The following ESRRA variants were observed in gnomAD, a reference collection of about 807,000 sequenced individuals.
ESRRA encodes steroid hormone receptor ERR1.
Under a neutral mutation model 35.6 loss-of-function variants are expected in ESRRA, and 7 were observed. That is an observed-to-expected ratio of 0.20 (90% CI 0.11 to 0.37). The LOEUF (loss-of-function observed/expected upper bound fraction) is 0.37, where lower values mean the gene tolerates loss of function less well. ESRRA is among the 10% of genes least tolerant of loss of function. ESRRA has a pLI of 1.00. For missense variants in ESRRA, 378 were observed against 561.7 expected (o/e 0.67, Z 3.31); for synonymous variants, 223 against 246.9 (o/e 0.90, Z 0.91).
rs560892872 is a variant in ESRRA, at chr11:64,307,352, G to T, written c.173G>T (p.Gly58Val). 6.2e-7 allele frequency: 1 copy of T among 1,611,028 alleles called. No homozygotes were observed. The highest frequency in any genetic ancestry group is 1.7e-5 in the Admixed American group (1 of 59,884). ...PGHKEEEDGE[G>V]AGPGEQGGGK... Reference sequence around the variant, plus strand: ...CACAAGGAAGAGGAGGATGGGGAGGGGGCTGGGCCTGGCGAGCAGGGCGGT... The same window carrying T: ...CACAAGGAAGAGGAGGATGGGGAGGTGGCTGGGCCTGGCGAGCAGGGCGGT... The change falls in exon 2 of 7, where the codon GGG becomes GTG. Residue 58 changes from glycine (G) to valine (V), a missense_variant. Around this residue, in one of 4 missense-constraint regions of ESRRA, gnomAD observed 87 missense variants for 92.6 expected, o/e 0.94. Transcript: ENST00000000442.
At position 64,307,351 on chromosome 11, in the gene ESRRA, G is replaced by A. The variant is rs781171709; in HGVS notation, c.172G>A (p.Gly58Arg). The A allele has an allele frequency of 4.3e-6, 7 of 1,611,608 alleles. No homozygotes were observed. Among genetic ancestry groups the A allele is most frequent in the East Asian group, 4.5e-5 (2 of 44,840 alleles). ...CCACAAGGAAGAGGAGGATGGGGAGGGGGCTGGGCCTGGCGAGCAGGGCGG... is the reference window on the plus strand; with the variant it reads ...CCACAAGGAAGAGGAGGATGGGGAGAGGGCTGGGCCTGGCGAGCAGGGCGG... ...PGHKEEEDGE[G>R]AGPGEQGGGK... The change falls in exon 2 of 7, where the codon GGG becomes AGG. Residue 58 changes from glycine to arginine, a missense_variant. Gly to Arg is a moderately radical substitution (Grantham distance 125). Around this residue, in one of 4 missense-constraint regions of ESRRA, gnomAD observed 87 missense variants for 92.6 expected, o/e 0.94. Coordinates refer to ENST00000000442, the MANE Select transcript of ESRRA (RefSeq NM_004451.5).
intron 2 of ESRRA, among the ~76,000 whole-genome samples, chr11:64,310,320 C>T (rs1416309230): frequency 3.6e-4 from 55 of 150,840 alleles, no homozygotes; most frequent in Middle Eastern, 6.9e-3. Flanking sequence ...CTGCAAGCTC[C>T]GCCTCCCGGG....
chr11:64,312,543 C>G (rs903715615), intron 2 of ESRRA, among the ~76,000 whole-genome samples: 1 of 152,204 alleles, frequency 6.6e-6, no homozygotes, highest in Non-Finnish European at 1.5e-5. Context: ...GTCATTTGGT[C>G]GTTGCGGGGC....
intron 2 of ESRRA, 83 bp downstream of exon 2, chr11:64,307,587 T>C: frequency 9.5e-7 from 1 of 1,057,064 alleles, no homozygotes; most frequent in Non-Finnish European, 1.3e-6. Flanking sequence ...CTGATGGCTG[T>C]GGCACCGCTT....
rs1325213156 is a variant in ESRRA at position 64,313,954 on chromosome 11, G to A, written c.329G>A (p.Ser110Asn). 2 of 1,570,552 alleles carry A rather than the reference G, an allele frequency of 1.3e-6. No homozygotes were observed. Among genetic ancestry groups the A allele is most frequent in the South Asian group, 1.2e-5 (1 of 86,338 alleles). ...KAFFKRTIQG[S>N]IEYSCPASNE... Reference sequence around the variant, plus strand: ...GAGCCCTGCCTCTTCCTGGCAGGGAGCATCGAGTACAGCTGTCCGGCCTCC... The same window carrying A: ...GAGCCCTGCCTCTTCCTGGCAGGGAACATCGAGTACAGCTGTCCGGCCTCC... Residue 110 changes from serine (S) to asparagine (N), a missense_variant, in exon 3 of 7, where the codon AGC becomes AAC. Ser to Asn is a conservative substitution (Grantham distance 46). Around this residue, in one of 4 missense-constraint regions of ESRRA, gnomAD observed 284 missense variants for 411.7 expected, o/e 0.69. Coordinates refer to ENST00000000442, the MANE Select transcript of ESRRA (RefSeq NM_004451.5). The surrounding 1 kb of genome is among the most constrained non-coding windows in gnomAD (Gnocchi z 4.0).
At chr11:64,315,586 C>T in intron 6 of ESRRA, 121 bp from the exon 7 acceptor site, 1 of 1,368,798 alleles carries the variant, frequency 7.3e-7, no homozygotes, top group Non-Finnish European at 1.0e-6. Flanking sequence ...GCCTCTCAGT[C>T]AGCCAATCAA....
Position 64,315,620 on chromosome 11 carries a change from T to C in ESRRA, c.1013-87T>C, listed in dbSNP as rs1431937738. On this transcript the variant is annotated intron_variant, in intron 6 of 6. Coordinates refer to ENST00000000442, the MANE Select transcript of ESRRA (RefSeq NM_004451.5). ...AACAAATCCTCGTTTGGCTCTTCCT[T>C]AGGCCCCATCCAGCAGTGCTCAAGA... 7.2e-6 allele frequency: 11 copies of C among 1,532,860 alleles called. No individual in the cohort carries two copies. The East Asian group carries it at 2.5e-4, about 35-fold the overall frequency. 95.0% of individuals were successfully genotyped at this position (1,532,860 alleles called of 1,614,324 possible).
At chr11:64,308,500 G>T (rs367789390) in intron 2 of ESRRA, among the ~76,000 whole-genome samples, 8 of 137,370 alleles carry the variant, frequency 5.8e-5, no homozygotes, top group South Asian at 2.5e-4. Flanking sequence ...TCCAGCCTGG[G>T]TGACAGAGCG....
rs550419869 is a variant in ESRRA, at chr11:64,309,157, G to A, written c.325+1653G>A. ...AAAACAAAAAAACCCAAAAACGCTGGGCTTGGTGGCTCATGGCCTGTAATC... is the reference window on the plus strand; with the variant it reads ...AAAACAAAAAAACCCAAAAACGCTGAGCTTGGTGGCTCATGGCCTGTAATC... On this transcript the variant is annotated intron_variant, in intron 2 of 6. Coordinates refer to ENST00000000442, the MANE Select transcript of ESRRA (RefSeq NM_004451.5). 1.1e-4 allele frequency among the ~76,000 whole-genome samples: 16 copies of A among 151,736 alleles called. No homozygotes were observed. The South Asian group carries it at 3.1e-3, about 30-fold the overall frequency.
rs371705706 is a variant in ESRRA at position 64,305,979 on chromosome 11, G to C, written c.-13+243G>C. The stretch of plus-strand genomic sequence containing the variant: ...TGGCTCTGGCTGCGGGTCCTGACTC[G>C]GGTCAGGGTTGGGCCTCCGATCCAG... On this transcript the variant is annotated intron_variant, in intron 1 of 6. Transcript: ENST00000000442. The surrounding 1 kb of genome is among the most constrained non-coding windows in gnomAD (Gnocchi z 5.8). Among the ~76,000 whole-genome samples the C allele has an allele frequency of 1.3e-5, 2 of 152,092 alleles. No homozygotes were observed. Among genetic ancestry groups the C allele is most frequent in the Non-Finnish European group, 2.9e-5 (2 of 67,988 alleles).
At chr11:64,306,893 C>T in intron 1 of ESRRA, 1 of 334,838 alleles carries the variant, frequency 3.0e-6, no homozygotes, top group Non-Finnish European at 5.4e-6. Context: ...TGCTCCCTGG[C>T]CTGGGTGGGA....
At position 64,315,116 on chromosome 11, in the gene ESRRA, C is replaced by T. The variant is rs368936607; in HGVS notation, c.858C>T (p.Phe286=). Residue 286 remains phenylalanine, a synonymous_variant, in exon 6 of 7, where the codon TTC becomes TTT. Transcript: ENST00000000442. The part of the protein sequence containing the change: ...RSLPLQDELA[F]AEDLVLDEEG... ...TGCCACTGCAGGATGAGCTGGCCTT[C>T]GCTGAGGACTTAGTCCTGGATGAAG... 147 of 1,612,444 alleles carry T rather than the reference C, an allele frequency of 9.1e-5. 2 individuals are homozygous for T. The highest frequency in any genetic ancestry group is 5.5e-4 in the Middle Eastern group (3 of 5,458).
intron 2 of ESRRA, among the ~76,000 whole-genome samples, chr11:64,310,297 C>T (rs932670990): frequency 7.4e-5 from 11 of 149,110 alleles, no homozygotes; most frequent in South Asian, 2.1e-4. Flanking sequence ...TGCAGTGGCA[C>T]GATCTCGGCT....
At chr11:64,310,937 G>A (rs750014706) in intron 2 of ESRRA, among the ~76,000 whole-genome samples, 89 of 152,326 alleles carry the variant, frequency 5.8e-4, no homozygotes, top group South Asian at 1.4e-3. Flanking sequence ...CAGCCGGCCA[G>A]GGTGCGGGTA....
intron 2 of ESRRA, among the ~76,000 whole-genome samples, chr11:64,307,740 A>G (rs1421060439): frequency 1.3e-5 from 2 of 152,218 alleles, no homozygotes; most frequent in East Asian, 1.9e-4. Flanking sequence ...CTCTAGGCCC[A>G]GCACCTTCTA....
At chr11:64,311,895 G>A (rs2035147205) in intron 2 of ESRRA, among the ~76,000 whole-genome samples, 1 of 150,952 alleles carries the variant, frequency 6.6e-6, no homozygotes, top group East Asian at 1.9e-4. Context: ...GTGTTGGTCA[G>A]GCTGGTCTCA....
intron 1 of ESRRA, chr11:64,306,768 G>T (rs1419846234): frequency 6.1e-6 from 1 of 164,400 alleles, no homozygotes; most frequent in African/African-American, 2.4e-5. Context: ...AGAATACCCA[G>T]ATGAGGGCAG....
At position 64,307,445 on chromosome 11, in the gene ESRRA, A is replaced by G. The variant is rs761377564; in HGVS notation, c.266A>G (p.Tyr89Cys). 3.2e-6 allele frequency: 5 copies of G among 1,548,700 alleles called. No individual in the cohort carries two copies. The African/African-American group carries it at 4.1e-5, about 13-fold the overall frequency. ...CLVCGDVASG[Y>C]HYGVASCEAC... Reference sequence around the variant, plus strand: ...GTCTGTGGGGACGTGGCCTCCGGCTACCACTATGGTGTGGCATCCTGTGAG... The same window carrying G: ...GTCTGTGGGGACGTGGCCTCCGGCTGCCACTATGGTGTGGCATCCTGTGAG... Residue 89 changes from tyrosine to cysteine, a missense_variant, in exon 2 of 7, where the codon TAC becomes TGC. Physicochemically the swap from Tyr to Cys is radical, Grantham distance 194 (BLOSUM62 -2). This residue lies in a region of ESRRA where 7 missense variants were observed against 40.7 expected (regional missense o/e 0.17). Transcript: ENST00000000442.
chr11:64,315,386 A>G (rs1161530477), intron 6 of ESRRA, 116 bp downstream of exon 6: 2 of 1,250,616 alleles, frequency 1.6e-6, no homozygotes, highest in Non-Finnish European at 2.2e-6. Context: ...TTAGGGAAGA[A>G]CAATGACTTG....
Sources: allele counts gnomAD v4.1 joint callset (sites outside exome capture counted in the v4.1 genomes callset), GRCh38; gene constraint gnomAD v4.1.1; regional missense constraint gnomAD v4.1.1; non-coding constraint Gnocchi (gnomAD v3.1); transcripts MANE v1.5; gene names NCBI Gene and HGNC (gene_info 2026-07-23, HGNC 2026-07-21).